IQCH: variants seen among roughly 807,000 people sequenced by gnomAD.
The protein encoded by IQCH is IQ motif containing H.
IQCH carries 98 observed loss-of-function variants against 117.0 expected under a neutral mutation model. That is an observed-to-expected ratio of 0.84 (90% CI 0.71 to 0.99). The LOEUF is 0.99. IQCH is among the 50% of genes least tolerant of loss of function. IQCH has a pLI of 0.00. For missense variants in IQCH, 1,102 were observed against 1,243.8 expected (o/e 0.89, Z 1.72); for synonymous variants, 412 against 448.2 (o/e 0.92, Z 1.02).
intron 4 of IQCH, among the ~76,000 whole-genome samples, chr15:67,292,230 A>ATGT (rs1324895120): frequency 6.6e-6 from 1 of 152,068 alleles, no homozygotes; most frequent in Non-Finnish European, 1.5e-5. Flanking sequence ...TAAGAAATAA[A>ATGT]TGTTGTTGTT....
intron 4 of IQCH, chr15:67,281,869 G>A (rs1966374112): frequency 2.4e-6 from 1 of 416,974 alleles, no homozygotes; most frequent in Admixed American, 2.6e-5. Context: ...CTCTAAGAGT[G>A]TGCTCATCTG....
intron 3 of IQCH, among the ~76,000 whole-genome samples, chr15:67,276,376 G>A (rs985780361): frequency 6.6e-6 from 1 of 152,184 alleles, no homozygotes; most frequent in Non-Finnish European, 1.5e-5. Flanking sequence ...GAGAGAAGAA[G>A]GCAGACCAGC....
At chr15:67,304,377 T>A (rs927280425) in intron 4 of IQCH, 1 of 1,533,996 alleles carries the variant, frequency 6.5e-7, no homozygotes, top group African/African-American at 1.4e-5. Flanking sequence ...TGCAGGATCC[T>A]GAAAACATCC....
At position 67,490,796 on chromosome 15, in the gene IQCH, C is replaced by T. The variant is rs770031908; in HGVS notation, c.2861+732C>T. ...CTCCTCCTCAGATCCAGTTTCAACC[C>T]GGGCGCAGTCTTCTCAAGGTACGCA... On this transcript the variant is annotated intron_variant, in intron 19 of 20. Transcript: ENST00000335894. The surrounding 1 kb of genome is among the most constrained non-coding windows in gnomAD (Gnocchi z 4.9). 6.6e-6 allele frequency among the ~76,000 whole-genome samples: 1 copy of T among 152,150 alleles called. No individual in the cohort carries two copies. The highest frequency in any genetic ancestry group is 1.5e-5 in the Non-Finnish European group (1 of 68,034).
rs1193886879 is a variant in IQCH, at chr15:67,404,334, G to T, written c.2097+4029G>T. The T allele has an allele frequency of 6.6e-6, 1 of 152,258 alleles. No homozygotes were observed. Among genetic ancestry groups the T allele is most frequent in the East Asian group, 1.9e-4 (1 of 5,178 alleles). 9.4% of individuals were successfully genotyped at this position (152,258 alleles called of 1,614,324 possible). Reference sequence around the variant, plus strand: ...ACCATTTCATGCCATAGAGCTCCCTGCATCTCCACCTCCATTGTGAAGACC... The same window carrying T: ...ACCATTTCATGCCATAGAGCTCCCTTCATCTCCACCTCCATTGTGAAGACC... On this transcript the variant is annotated intron_variant, in intron 14 of 20. Transcript: ENST00000335894. This position sits in a 1 kb window ranked among gnomAD's most constrained non-coding sequence, Gnocchi z 4.6.
At chr15:67,455,425 CTA>C (rs1343802024) in intron 16 of IQCH, among the ~76,000 whole-genome samples, 1 of 152,216 alleles carries the variant, frequency 6.6e-6, no homozygotes, top group Non-Finnish European at 1.5e-5. Flanking sequence ...TAGACCAACT[CTA>C]AGGCCATAGC....
At position 67,391,104 on chromosome 15, in the gene IQCH, C is replaced by T. The variant is rs182231593; in HGVS notation, c.1632+2098C>T. Among the ~76,000 whole-genome samples the T allele has an allele frequency of 3.3e-5, 5 of 152,286 alleles. No individual in the cohort carries two copies. The East Asian group carries it at 9.7e-4, about 29-fold the overall frequency. ...CTCTATCATCCTATTACCTGAGAAC[C>T]ATACCCTTGCTAGTCCACTCTGGCT... On this transcript the variant is annotated intron_variant, in intron 12 of 20. Coordinates refer to ENST00000335894, the MANE Select transcript of IQCH (RefSeq NM_001031715.3). The surrounding 1 kb of genome is among the most constrained non-coding windows in gnomAD (Gnocchi z 4.3).
intron 3 of IQCH, among the ~76,000 whole-genome samples, chr15:67,273,153 C>A (rs762449435): frequency 6.6e-6 from 1 of 152,166 alleles, no homozygotes; most frequent in Non-Finnish European, 1.5e-5. Flanking sequence ...TCACTGCAAC[C>A]TCTGCCTCCC....
In IQCH at chr15:67,472,044, A is replaced by G. The variant is rs2083083324; in HGVS notation, c.2677-3652A>G. 6.6e-6 allele frequency among the ~76,000 whole-genome samples: 1 copy of G among 152,242 alleles called. No individual in the cohort carries two copies. The highest frequency in any genetic ancestry group is 1.5e-5 in the Non-Finnish European group (1 of 68,036). ...TGCTATTAAAATAGATAACATACACATGGATAAATGCCATTTGAGTGACAG... is the reference window on the plus strand; with the variant it reads ...TGCTATTAAAATAGATAACATACACGTGGATAAATGCCATTTGAGTGACAG... On this transcript the variant is annotated intron_variant, in intron 17 of 20. Transcript: ENST00000335894. The surrounding 1 kb of genome is among the most constrained non-coding windows in gnomAD (Gnocchi z 4.3).
At chr15:67,435,255 C>A (rs1388942296) in intron 16 of IQCH, among the ~76,000 whole-genome samples, 1 of 151,796 alleles carries the variant, frequency 6.6e-6, no homozygotes, top group Non-Finnish European at 1.5e-5. Context: ...TGCTGAGCAC[C>A]TTTTATATAC....
intron 4 of IQCH, among the ~76,000 whole-genome samples, chr15:67,288,321 TG>T (rs1488968378): frequency 3.3e-5 from 5 of 152,164 alleles, no homozygotes; most frequent in Non-Finnish European, 4.4e-5. Context: ...CTGGAAGATC[TG>T]TTTAATGCTG....
At chr15:67,398,866 G>A (rs963011376) in intron 13 of IQCH, among the ~76,000 whole-genome samples, 8 of 152,118 alleles carry the variant, frequency 5.3e-5, no homozygotes, top group African/African-American at 1.9e-4. Context: ...GTGTTATTTT[G>A]TTGCTTTCTG....
chr15:67,398,028 A>T (rs1302386394), intron 13 of IQCH, among the ~76,000 whole-genome samples: 1 of 152,182 alleles, frequency 6.6e-6, no homozygotes, highest in Non-Finnish European at 1.5e-5. Flanking sequence ...CCAGTGGTGC[A>T]ATCTTTACAA....
chr15:67,360,412 A>C (rs1233166254), intron 8 of IQCH, among the ~76,000 whole-genome samples: 1 of 152,232 alleles, frequency 6.6e-6, no homozygotes, highest in African/African-American at 2.4e-5. Context: ...ACAATATGGC[A>C]AGTACATGCC....
In IQCH at chr15:67,279,520, T is replaced by G; in HGVS notation, c.387+8T>G. On this transcript the variant is annotated splice_region_variant and intron_variant, in intron 4 of 20. Coordinates refer to ENST00000335894, the MANE Select transcript of IQCH (RefSeq NM_001031715.3). ...GTCTTTCCAAGAGCAAAGGTAGGTA[T>G]AGAGAAATTCATAGAGACAGAAAGT... The G allele has an allele frequency of 6.6e-7, 1 of 1,508,740 alleles. No individual in the cohort carries two copies. Among genetic ancestry groups the G allele is most frequent in the Non-Finnish European group, 9.1e-7 (1 of 1,094,106 alleles). 93.5% of individuals were successfully genotyped at this position (1,508,740 alleles called of 1,614,324 possible).
At chr15:67,357,261 T>C in intron 6 of IQCH, 84 bp from the exon 7 acceptor site, 1 of 891,074 alleles carries the variant, frequency 1.1e-6, no homozygotes, top group African/African-American at 1.6e-5. Context: ...CCATTTGACT[T>C]TCAAGGTGCA....
chr15:67,360,041 GAAA>G, intron 8 of IQCH, 156 bp downstream of exon 8: 16 of 454,834 alleles, frequency 3.5e-5, no homozygotes, highest in Admixed American at 4.0e-5. Context: ...ATGGTTTCAG[GAAA>G]AAAAAAAAAA....
intron 4 of IQCH, among the ~76,000 whole-genome samples, chr15:67,290,034 A>G (rs1966699314): frequency 6.6e-6 from 1 of 152,058 alleles, no homozygotes; most frequent in Admixed American, 6.6e-5. Context: ...TGTGAAGTTG[A>G]ATCTTTTGTC....
chr15:67,427,253 T>C lies in IQCH; in HGVS notation c.2505+5676T>C, dbSNP rs924841311. Reference sequence around the variant, plus strand: ...AACCACTCCTGCCATCTTCTTTGCCTACTCTATCTGTGCCCTACCCCTCCA... The same window carrying C: ...AACCACTCCTGCCATCTTCTTTGCCCACTCTATCTGTGCCCTACCCCTCCA... On this transcript the variant is annotated intron_variant, in intron 16 of 20. Coordinates refer to ENST00000335894, the MANE Select transcript of IQCH (RefSeq NM_001031715.3). This position sits in a 1 kb window ranked among gnomAD's most constrained non-coding sequence, Gnocchi z 4.7. 6.6e-6 allele frequency among the ~76,000 whole-genome samples: 1 copy of C among 152,238 alleles called. No individual in the cohort carries two copies. The highest frequency in any genetic ancestry group is 1.5e-5 in the Non-Finnish European group (1 of 68,040).
Sources: allele counts gnomAD v4.1 joint callset (sites outside exome capture counted in the v4.1 genomes callset), GRCh38; gene constraint gnomAD v4.1.1; non-coding constraint Gnocchi (gnomAD v3.1); transcripts MANE v1.5; gene names NCBI Gene and HGNC (gene_info 2026-07-23, HGNC 2026-07-21).